Variants in ADAMTSL1 observed in about 807,000 individuals in gnomAD.
The protein encoded by ADAMTSL1 is ADAMTS-like protein 1.
Under a neutral mutation model 201.8 loss-of-function variants are expected in ADAMTSL1, and 126 were observed. That is an observed-to-expected ratio of 0.62 (90% CI 0.54 to 0.72). The LOEUF (loss-of-function observed/expected upper bound fraction) is 0.72. ADAMTSL1 is among the 30% of genes least tolerant of loss of function. The pLI, the probability that ADAMTSL1 is intolerant of heterozygous loss-of-function variation, is 0.00. For missense variants in ADAMTSL1, 2,679 were observed against 2,277.8 expected (o/e 1.18, Z -3.59); for synonymous variants, 1,121 against 903.4 (o/e 1.24, Z -4.32).
chr9:18,689,627 T>G (rs1663676834), intron 13 of ADAMTSL1, among the ~76,000 whole-genome samples: 1 of 152,186 alleles, frequency 6.6e-6, no homozygotes, highest in Admixed American at 6.5e-5. Flanking sequence ...TGAGGACCAG[T>G]GCGGCACTTA....
intron 2 of ADAMTSL1, among the ~76,000 whole-genome samples, chr9:18,415,908 T>G (rs1056159865): frequency 6.6e-6 from 1 of 151,896 alleles, no homozygotes; most frequent in Non-Finnish European, 1.5e-5. Flanking sequence ...TGTAAAATAC[T>G]GAAAGGAAAA....
At chr9:18,217,392 G>A (rs1830092942) in intron 2 of ADAMTSL1, among the ~76,000 whole-genome samples, 1 of 152,004 alleles carries the variant, frequency 6.6e-6, no homozygotes, top group Non-Finnish European at 1.5e-5. Context: ...GTTTCTTGAG[G>A]TGCCAAAGAA....
At chr9:18,275,776 G>A (rs1832563569) in intron 2 of ADAMTSL1, among the ~76,000 whole-genome samples, 1 of 152,012 alleles carries the variant, frequency 6.6e-6, no homozygotes, top group African/African-American at 2.4e-5. Context: ...GACATTTGGG[G>A]CTATTTCCAG....
At chr9:18,595,233 A>G (rs1824188124) in intron 4 of ADAMTSL1, among the ~76,000 whole-genome samples, 2 of 152,248 alleles carry the variant, frequency 1.3e-5, no homozygotes, top group Middle Eastern at 3.4e-3. Flanking sequence ...CCCAGGTAGG[A>G]TGGGTCCCTT....
intron 2 of ADAMTSL1, among the ~76,000 whole-genome samples, chr9:18,224,656 G>A (rs190615133): frequency 6.6e-6 from 1 of 152,120 alleles, no homozygotes; most frequent in African/African-American, 2.4e-5. Flanking sequence ...AACATCCTAT[G>A]GATCCCCTAA....
At chr9:18,661,886 T>C in intron 8 of ADAMTSL1, 49 bp from the exon 9 acceptor site, 1 of 1,559,886 alleles carries the variant, frequency 6.4e-7, no homozygotes, top group Non-Finnish European at 8.7e-7. Context: ...AAGAAATATA[T>C]TGCATTGGCA....
rs78385573 is a variant in ADAMTSL1 at position 18,150,297 on chromosome 9, C to T, written c.88-13565C>T. On this transcript the variant is annotated intron_variant, in intron 1 of 29. Coordinates refer to the ADAMTSL1 transcript ENST00000680146. ...GGGGAATACCAAACTATGGGGAAGA[C>T]GGAAGACAGTCTGAAGGGTATGGTG... is the stretch of plus-strand genomic sequence containing the variant. Among the ~76,000 whole-genome samples the T allele has an allele frequency of 3.7e-3, 569 of 151,938 alleles. 4 individuals are homozygous for T. Among genetic ancestry groups the T allele is most frequent in the African/African-American group, 0.013 (547 of 41,470 alleles).
At chr9:18,114,687 G>A (rs1427091641) in intron 1 of ADAMTSL1, among the ~76,000 whole-genome samples, 1 of 152,112 alleles carries the variant, frequency 6.6e-6, no homozygotes, top group African/African-American at 2.4e-5. Context: ...AACAAAAGAA[G>A]ATTCATGTTA....
In ADAMTSL1 at chr9:18,807,312, G is replaced by A. The variant is rs117011993; in HGVS notation, c.3806-9797G>A. On this transcript the variant is annotated intron_variant, in intron 20 of 28. Transcript: ENST00000380548. Reference sequence around the variant, plus strand: ...ATAAATTAACACTATTCTGTGAGCTGATGCTGACTTGCTAAAACTAAATGG... The same window carrying A: ...ATAAATTAACACTATTCTGTGAGCTAATGCTGACTTGCTAAAACTAAATGG... Among the ~76,000 whole-genome samples the A allele has an allele frequency of 1.2e-3, 186 of 152,284 alleles. 3 individuals carry two copies. The East Asian group carries it at 0.032, about 26-fold the overall frequency.
chr9:18,207,168 AG>A (rs1366868222), intron 2 of ADAMTSL1, among the ~76,000 whole-genome samples: 2 of 152,130 alleles, frequency 1.3e-5, no homozygotes, highest in Non-Finnish European at 2.9e-5. Context: ...TCCATCTCAA[AG>A]AAAAAAAAGA....
chr9:18,543,605 C>T (rs1276408749), intron 3 of ADAMTSL1, among the ~76,000 whole-genome samples: 1 of 152,136 alleles, frequency 6.6e-6, no homozygotes, highest in African/African-American at 2.4e-5. Context: ...ACTGAACATT[C>T]AGAGTAATGG....
intron 2 of ADAMTSL1, among the ~76,000 whole-genome samples, chr9:18,248,133 T>C (rs111536233): frequency 0.014 from 2,065 of 152,274 alleles, 28 homozygotes; most frequent in African/African-American, 0.033. Context: ...ATTTAAGGGA[T>C]GCAGCTTTGA....
chr9:18,716,086 T>G (rs1407063717), intron 14 of ADAMTSL1, among the ~76,000 whole-genome samples: 1 of 150,650 alleles, frequency 6.6e-6, no homozygotes, highest in Non-Finnish European at 1.5e-5. Flanking sequence ...AAAAATCAAT[T>G]CAAGATGGAT....
intron 4 of ADAMTSL1, among the ~76,000 whole-genome samples, chr9:18,608,589 A>G (rs1026404947): frequency 2.6e-5 from 4 of 152,218 alleles, no homozygotes; most frequent in Non-Finnish European, 5.9e-5. Context: ...TTGTCATAAT[A>G]GTGCAGTGAT....
At chr9:18,878,812 G>T (rs1828336631) in intron 23 of ADAMTSL1, among the ~76,000 whole-genome samples, 2 of 152,300 alleles carry the variant, frequency 1.3e-5, no homozygotes, top group Non-Finnish European at 2.9e-5. Flanking sequence ...TCTCCTATCT[G>T]CCATTTTTCC....
chr9:18,018,836 A>G lies in ADAMTSL1; in HGVS notation c.87+111914A>G, dbSNP rs530795725. On this transcript the variant is annotated intron_variant, in intron 1 of 29. Coordinates refer to the ADAMTSL1 transcript ENST00000680146. ...TTTAAGGCACTAAGTTTTGGGATAA[A>G]TTGCGAGGTATCAATAGATAAACAG... Among the ~76,000 whole-genome samples the G allele has an allele frequency of 1.2e-4, 19 of 152,214 alleles. No individual in the cohort carries two copies. The South Asian group carries it at 3.7e-3, about 30-fold the overall frequency.
chr9:18,132,583 T>C (rs1158786476), intron 1 of ADAMTSL1, among the ~76,000 whole-genome samples: 1 of 152,198 alleles, frequency 6.6e-6, no homozygotes, highest in Non-Finnish European at 1.5e-5. Flanking sequence ...ACTCACCAGC[T>C]CTTCATTCTA....
chr9:18,885,524 C>T (rs1041663167), intron 23 of ADAMTSL1, among the ~76,000 whole-genome samples: 3 of 152,178 alleles, frequency 2.0e-5, no homozygotes, highest in African/African-American at 7.2e-5. Flanking sequence ...AAATAACTCA[C>T]ATGGCCAAAG....
chr9:18,070,729 T>C (rs556486930), intron 1 of ADAMTSL1, among the ~76,000 whole-genome samples: 1 of 152,076 alleles, frequency 6.6e-6, no homozygotes, highest in Non-Finnish European at 1.5e-5. Flanking sequence ...ATGGAATTCA[T>C]TGTGGCCAAA....
Sources: allele counts gnomAD v4.1 joint callset (sites outside exome capture counted in the v4.1 genomes callset), GRCh38; gene constraint gnomAD v4.1.1; transcripts MANE v1.5; gene names NCBI Gene and HGNC (gene_info 2026-07-23, HGNC 2026-07-21).